Variants in GNAL observed in about 807,000 individuals in gnomAD.
The protein encoded by GNAL is guanine nucleotide-binding protein G(olf) subunit alpha.
A neutral mutation model predicts 55.1 loss-of-function variants in GNAL; 18 were observed. The observed-to-expected ratio is 0.33, with a 90% CI of 0.23 to 0.48. GNAL has a LOEUF of 0.48. Among genes scored for constraint, GNAL ranks in the 20% least tolerant of loss-of-function variants. The pLI, the probability that GNAL is intolerant of heterozygous loss-of-function variation, is 0.99. For synonymous variants in GNAL, 253 were observed against 237.0 expected (o/e 1.07, Z -0.62); for missense variants, 412 against 614.1 (o/e 0.67, Z 3.48).
At chr18:11,700,437 C>A (rs1418461016) in intron 1 of GNAL, among the ~76,000 whole-genome samples, 2 of 152,232 alleles carry the variant, frequency 1.3e-5, no homozygotes, top group Non-Finnish European at 2.9e-5. Context: ...GGCCATGTGT[C>A]CCATCCTGTA....
At chr18:11,767,288 C>G (rs1277037517) in intron 4 of GNAL, among the ~76,000 whole-genome samples, 1 of 151,478 alleles carries the variant, frequency 6.6e-6, no homozygotes, top group Non-Finnish European at 1.5e-5. Context: ...CACCCTTATG[C>G]TTGCACATTT....
intron 1 of GNAL, among the ~76,000 whole-genome samples, chr18:11,732,533 C>T (rs1377745273): frequency 1.3e-5 from 2 of 152,140 alleles, no homozygotes; most frequent in African/African-American, 4.8e-5. Flanking sequence ...CATTTTTTCT[C>T]ATTTGTTCTC....
At chr18:11,839,099 G>C (rs999185413) in intron 5 of GNAL, among the ~76,000 whole-genome samples, 5 of 152,210 alleles carry the variant, frequency 3.3e-5, no homozygotes, top group Non-Finnish European at 7.3e-5. Context: ...TGGGCTAACT[G>C]ACATGAAATT....
intron 4 of GNAL, among the ~76,000 whole-genome samples, chr18:11,812,897 T>C (rs971133705): frequency 4.6e-5 from 7 of 151,630 alleles, no homozygotes; most frequent in African/African-American, 1.7e-4. Flanking sequence ...TGGAAAAAAA[T>C]TTAACAGCAG....
chr18:11,804,921 G>A (rs373273615), intron 4 of GNAL, among the ~76,000 whole-genome samples: 4 of 144,104 alleles, frequency 2.8e-5, no homozygotes, highest in African/African-American at 1.0e-4. Context: ...TGCAGTTTGG[G>A]TGGAACACGG....
chr18:11,810,639 C>T (rs2034788394), intron 4 of GNAL: 2 of 152,270 alleles, frequency 1.3e-5, no homozygotes, highest in African/African-American at 4.8e-5. Context: ...CCCCTTACCC[C>T]ACAGAGGATT....
intron 11 of GNAL, 146 bp downstream of exon 11, chr18:11,876,834 G>A: frequency 1.5e-6 from 1 of 652,738 alleles, no homozygotes; most frequent in Admixed American, 2.5e-5. Flanking sequence ...TAATTTCACA[G>A]CTGAGCACAC....
intron 1 of GNAL, among the ~76,000 whole-genome samples, chr18:11,746,492 C>G (rs912974729): frequency 1.3e-5 from 2 of 152,110 alleles, no homozygotes; most frequent in African/African-American, 2.4e-5. Context: ...TGCCTGTAGT[C>G]CCAGCTACTT....
chr18:11,876,241 G>A (rs570683606), intron 10 of GNAL, among the ~76,000 whole-genome samples: 19 of 152,244 alleles, frequency 1.2e-4, no homozygotes, highest in Non-Finnish European at 2.2e-4. Flanking sequence ...CACTTTGGGA[G>A]GCCAAGGTGG....
intron 4 of GNAL, among the ~76,000 whole-genome samples, chr18:11,802,842 C>T (rs1172298736): frequency 6.6e-6 from 1 of 152,028 alleles, no homozygotes; most frequent in African/African-American, 2.4e-5. Context: ...GGCATCTGAG[C>T]AGAAGCTGGT....
intron 4 of GNAL, among the ~76,000 whole-genome samples, chr18:11,791,639 A>G (rs2034240429): frequency 6.6e-6 from 1 of 152,206 alleles, no homozygotes; most frequent in South Asian, 2.1e-4. Context: ...ACTGCATGTG[A>G]TCTATTTAGG....
rs114826651 is a variant in GNAL, at chr18:11,810,212, G to A, written c.625-14706G>A. 4.9e-3 allele frequency among the ~76,000 whole-genome samples: 751 copies of A among 152,320 alleles called. 4 individuals are homozygous for A. The highest frequency in any genetic ancestry group is 0.017 in the African/African-American group (706 of 41,568). On this transcript the variant is annotated intron_variant, in intron 4 of 11. Transcript: ENST00000334049. Reference sequence around the variant, plus strand: ...TGTCAGAACCAGGCTGGACAACATAGCGAGAACCTGTCTCTACTAAAAATA... The same window carrying A: ...TGTCAGAACCAGGCTGGACAACATAACGAGAACCTGTCTCTACTAAAAATA...
chr18:11,848,297 T>C (rs2035781579), intron 5 of GNAL, among the ~76,000 whole-genome samples: 1 of 152,110 alleles, frequency 6.6e-6, no homozygotes. Context: ...CAGCCTTCTC[T>C]TCAGAATTCT....
intron 4 of GNAL, among the ~76,000 whole-genome samples, chr18:11,805,908 A>G (rs117483977): frequency 1.0e-3 from 157 of 152,254 alleles, no homozygotes; most frequent in Admixed American, 3.0e-3. Flanking sequence ...ATTTTTGATT[A>G]TTTGAGGAAT....
In GNAL at chr18:11,843,455, G is replaced by A. The variant is rs1398115449; in HGVS notation, c.722+18440G>A. Among the ~76,000 whole-genome samples the A allele has an allele frequency of 2.6e-5, 4 of 152,002 alleles. No individual in the cohort carries two copies. In the South Asian group the frequency reaches 6.2e-4, roughly 24 times the overall value. Reference sequence around the variant, plus strand: ...CAGGATAATCACTTGAAGCAGGGAGGTGGAGGTTGCAGTGAGCTGAGATCG... The same window carrying A: ...CAGGATAATCACTTGAAGCAGGGAGATGGAGGTTGCAGTGAGCTGAGATCG... On this transcript the variant is annotated intron_variant, in intron 5 of 11. Coordinates refer to ENST00000334049, the MANE Select transcript of GNAL (RefSeq NM_182978.4).
chr18:11,847,433 A>G (rs1363199089), intron 5 of GNAL, among the ~76,000 whole-genome samples: 1 of 151,894 alleles, frequency 6.6e-6, no homozygotes, highest in African/African-American at 2.4e-5. Context: ...AGACTTAGCA[A>G]ATGATTCTTT....
At chr18:11,781,060 TATC>T (rs2143353183) in intron 4 of GNAL, among the ~76,000 whole-genome samples, 1 of 152,362 alleles carries the variant, frequency 6.6e-6, no homozygotes, top group African/African-American at 2.4e-5. Context: ...AAATTTTAAA[TATC>T]AACCAGTGAA....
At chr18:11,718,542 T>C (rs1226909372) in intron 1 of GNAL, among the ~76,000 whole-genome samples, 5 of 152,184 alleles carry the variant, frequency 3.3e-5, no homozygotes, top group African/African-American at 9.7e-5. Flanking sequence ...CAACATCCTT[T>C]ATAAAATCAT....
At chr18:11,750,547 A>G (rs1157328137) in intron 1 of GNAL, among the ~76,000 whole-genome samples, 1 of 152,158 alleles carries the variant, frequency 6.6e-6, no homozygotes. Context: ...CCTGAAACCC[A>G]ATGCAGTCTC....
Sources: gnomAD v4.1 joint callset for allele counts (sites outside exome capture counted in the v4.1 genomes callset) on GRCh38, gnomAD v4.1.1 for gene constraint, MANE v1.5 for transcripts, NCBI Gene and HGNC (gene_info 2026-07-23, HGNC 2026-07-21) for gene names.